The following NRXN3 variants were observed in gnomAD, a reference collection of about 807,000 sequenced individuals.
NRXN3 encodes neurexin 3, also known as neurexin III.
Under a neutral mutation model 137.6 loss-of-function variants are expected in NRXN3, and 32 were observed. The ratio of observed to expected loss-of-function variants is 0.23; its 90% CI spans 0.18 to 0.31. The LOEUF (loss-of-function observed/expected upper bound fraction) is 0.31. Ranked by LOEUF, NRXN3 falls within the 10% of genes least tolerant of loss-of-function variation. NRXN3 has a pLI of 1.00. For missense variants in NRXN3, 1,574 were observed against 2,062.5 expected (o/e 0.76, Z 4.59); for synonymous variants, 798 against 784.5 (o/e 1.02, Z -0.29).
chr14:79,778,345 G>A lies in NRXN3; in HGVS notation c.4015-26767G>A, dbSNP rs554518437. Among the ~76,000 whole-genome samples the A allele has an allele frequency of 8.5e-5, 13 of 152,306 alleles. No individual in the cohort carries two copies. The South Asian group carries it at 2.5e-3, about 29-fold the overall frequency. On this transcript the variant is annotated intron_variant, in intron 19 of 20. Coordinates refer to ENST00000335750, the MANE Select transcript of NRXN3 (RefSeq NM_001330195.2). ...GCAGGAGAATCACTTGAACCCAGGA[G>A]GCGGAGGTTGCAGTGAGCTGAGATC... is the stretch of plus-strand genomic sequence containing the variant.
chr14:79,380,645 C>A (rs1439978459), intron 15 of NRXN3, among the ~76,000 whole-genome samples: 3 of 152,100 alleles, frequency 2.0e-5, no homozygotes, highest in African/African-American at 7.2e-5. Context: ...GTGAATAGTG[C>A]CGCAATAAAC....
intron 16 of NRXN3, among the ~76,000 whole-genome samples, chr14:79,610,523 G>GCTACTAAA (rs1420104150): frequency 6.6e-6 from 1 of 152,184 alleles, no homozygotes; most frequent in Non-Finnish European, 1.5e-5. Flanking sequence ...CACAGCACTA[G>GCTACTAAA]CTACTAAACC....
intron 4 of NRXN3, among the ~76,000 whole-genome samples, chr14:78,369,350 G>T (rs2086464507): frequency 6.6e-6 from 1 of 150,976 alleles, no homozygotes; most frequent in Admixed American, 6.6e-5. Context: ...AGGTATCCTA[G>T]ACTTCTTTGC....
intron 19 of NRXN3, among the ~76,000 whole-genome samples, chr14:79,786,523 A>G (rs1184016264): frequency 6.6e-6 from 1 of 152,204 alleles, no homozygotes; most frequent in South Asian, 2.1e-4. Context: ...GTCCAGTCCA[A>G]TGTATTCCTG....
intron 15 of NRXN3, among the ~76,000 whole-genome samples, chr14:79,357,718 A>G (rs1599102554): frequency 6.7e-6 from 1 of 150,280 alleles, no homozygotes; most frequent in East Asian, 1.9e-4. Context: ...ATAAACTGAT[A>G]TATATATACA....
intron 15 of NRXN3, among the ~76,000 whole-genome samples, chr14:79,343,119 C>T (rs1016827759): frequency 1.3e-5 from 2 of 152,080 alleles, no homozygotes; most frequent in African/African-American, 4.8e-5. Flanking sequence ...TGTGCAAGGT[C>T]TGCAAAATAT....
intron 8 of NRXN3, among the ~76,000 whole-genome samples, chr14:78,758,956 C>T (rs994464047): frequency 1.3e-5 from 2 of 152,128 alleles, no homozygotes; most frequent in African/African-American, 4.8e-5. Flanking sequence ...TCTTGGTGTA[C>T]CAGAAAAGCA....
At chr14:79,597,190 A>T (rs2097866640) in intron 16 of NRXN3, among the ~76,000 whole-genome samples, 1 of 152,196 alleles carries the variant, frequency 6.6e-6, no homozygotes, top group Non-Finnish European at 1.5e-5. Context: ...TCTAGCACTA[A>T]TCCCTTAATA....
chr14:79,441,298 A>C (rs1047164393), intron 15 of NRXN3, among the ~76,000 whole-genome samples: 1 of 151,300 alleles, frequency 6.6e-6, no homozygotes, highest in Non-Finnish European at 1.5e-5. Context: ...CAATTCTAAA[A>C]ATTTTGAGGG....
intron 4 of NRXN3, among the ~76,000 whole-genome samples, chr14:78,338,615 CA>C (rs1380994070): frequency 6.6e-6 from 1 of 152,188 alleles, no homozygotes; most frequent in Non-Finnish European, 1.5e-5. Context: ...ACAACCGACC[CA>C]CTCAGATGCT....
intron 19 of NRXN3, among the ~76,000 whole-genome samples, chr14:79,795,800 A>ATT (rs915564659): frequency 2.6e-5 from 4 of 151,834 alleles, no homozygotes; most frequent in Non-Finnish European, 5.9e-5. Flanking sequence ...ATTGCATTTG[A>ATT]TTGTTCTGGA....
chr14:78,304,578 T>C (rs183045090), intron 4 of NRXN3, among the ~76,000 whole-genome samples: 392 of 152,264 alleles, frequency 2.6e-3, no homozygotes, highest in Non-Finnish European at 3.4e-3. Context: ...GTTGAGAGTA[T>C]ATTTTGGCCT....
intron 15 of NRXN3, among the ~76,000 whole-genome samples, chr14:79,041,061 T>C (rs2099624232): frequency 6.6e-6 from 1 of 152,162 alleles, no homozygotes; most frequent in Non-Finnish European, 1.5e-5. Context: ...TCTTCCTTTC[T>C]CCTCTCTCAT....
At chr14:78,487,392 GA>G (rs1190219759) in intron 4 of NRXN3, among the ~76,000 whole-genome samples, 1 of 152,094 alleles carries the variant, frequency 6.6e-6, no homozygotes, top group Admixed American at 6.5e-5. Context: ...AGTACTTCAA[GA>G]AAAAATGCCA....
At chr14:78,489,859 A>G (rs2095631440) in intron 4 of NRXN3, among the ~76,000 whole-genome samples, 1 of 152,008 alleles carries the variant, frequency 6.6e-6, no homozygotes, top group South Asian at 2.1e-4. Flanking sequence ...AGATGGATAA[A>G]GAAGCAGTTT....
chr14:78,579,209 C>G (rs2096966903), intron 4 of NRXN3, among the ~76,000 whole-genome samples: 1 of 152,202 alleles, frequency 6.6e-6, no homozygotes, highest in Non-Finnish European at 1.5e-5. Flanking sequence ...ATGCCTTCTA[C>G]TAGTATGACA....
At chr14:78,398,012 C>T (rs1449845350) in intron 4 of NRXN3, among the ~76,000 whole-genome samples, 10 of 150,650 alleles carry the variant, frequency 6.6e-5, no homozygotes, top group East Asian at 2.0e-4. Context: ...GTCAGGAGTT[C>T]GAGACAAGCC....
At chr14:78,669,360 G>A (rs565606596) in intron 6 of NRXN3, among the ~76,000 whole-genome samples, 1 of 152,060 alleles carries the variant, frequency 6.6e-6, no homozygotes, top group African/African-American at 2.4e-5. Context: ...AAAAATTCAG[G>A]GTGAGTCCAT....
Position 78,780,906 on chromosome 14 carries a change from A to G in NRXN3, c.2045-22714A>G, listed in dbSNP as rs147630269. 2.0e-5 allele frequency among the ~76,000 whole-genome samples: 3 copies of G among 152,338 alleles called. No individual in the cohort carries two copies. The East Asian group carries it at 5.8e-4, about 29-fold the overall frequency. Reference sequence around the variant, plus strand: ...AAATACAATTTAGCATTGAAGCTACACATGACATTTGGCCTCACAATTGCA... The same window carrying G: ...AAATACAATTTAGCATTGAAGCTACGCATGACATTTGGCCTCACAATTGCA... On this transcript the variant is annotated intron_variant, in intron 8 of 20. Coordinates refer to ENST00000335750, the MANE Select transcript of NRXN3 (RefSeq NM_001330195.2).
Sources: allele counts gnomAD v4.1 joint callset (sites outside exome capture counted in the v4.1 genomes callset), GRCh38; gene constraint gnomAD v4.1.1; transcripts MANE v1.5; gene names NCBI Gene and HGNC (gene_info 2026-07-23, HGNC 2026-07-21).